The following SGMS1 variants were observed in gnomAD, a reference collection of about 807,000 sequenced individuals.
SGMS1 encodes the protein phosphatidylcholine:ceramide cholinephosphotransferase 1.
A neutral mutation model predicts 46.2 loss-of-function variants in SGMS1; 13 were observed. The observed-to-expected ratio is 0.28, with a 90% CI of 0.18 to 0.45. The LOEUF is 0.45. Ranked by LOEUF, SGMS1 falls within the 20% of genes least tolerant of loss-of-function variation. The pLI is 1.00. For missense variants in SGMS1, 324 were observed against 519.9 expected (o/e 0.62, Z 3.66); for synonymous variants, 203 against 187.8 (o/e 1.08, Z -0.66).
At chr10:50,544,994 A>ACTTT in intron 2 of SGMS1, among the ~76,000 whole-genome samples, 1 of 152,342 alleles carries the variant, frequency 6.6e-6, no homozygotes, top group Non-Finnish European at 1.5e-5. Context: ...AGGGAAGTGA[A>ACTTT]ATGAACACAG....
At chr10:50,562,607 G>T (rs1338744339) in intron 2 of SGMS1, among the ~76,000 whole-genome samples, 2 of 152,112 alleles carry the variant, frequency 1.3e-5, no homozygotes, top group Admixed American at 6.5e-5. Context: ...GCAGTGGCGC[G>T]ATCTCGTCTC....
chr10:50,613,390 A>G (rs926748902), intron 1 of SGMS1, among the ~76,000 whole-genome samples: 3 of 152,054 alleles, frequency 2.0e-5, no homozygotes, highest in Non-Finnish European at 4.4e-5. Context: ...ACCCCATCGC[A>G]CTCATCTCTG....
intron 2 of SGMS1, among the ~76,000 whole-genome samples, chr10:50,533,883 C>T (rs1837976643): frequency 6.6e-6 from 1 of 152,060 alleles, no homozygotes; most frequent in African/African-American, 2.4e-5. Flanking sequence ...TCCTCTGCTC[C>T]GGTTAAAACC....
At chr10:50,455,306 CA>C (rs1463148712) in intron 5 of SGMS1, among the ~76,000 whole-genome samples, 1 of 152,172 alleles carries the variant, frequency 6.6e-6, no homozygotes, top group Non-Finnish European at 1.5e-5. Context: ...GTTATGTTTG[CA>C]AATTGGTCAT....
At chr10:50,582,305 C>T (rs1341199050) in intron 2 of SGMS1, among the ~76,000 whole-genome samples, 1 of 152,162 alleles carries the variant, frequency 6.6e-6, no homozygotes, top group Non-Finnish European at 1.5e-5. Context: ...ACATCTGAGT[C>T]TCGAGAAAAA....
chr10:50,508,008 C>T (rs1338514933), intron 3 of SGMS1, among the ~76,000 whole-genome samples: 1 of 152,142 alleles, frequency 6.6e-6, no homozygotes, highest in African/African-American at 2.4e-5. Flanking sequence ...AGGGACAATT[C>T]ATGGGATCTG....
At chr10:50,419,816 A>T (rs1849231304) in intron 6 of SGMS1, among the ~76,000 whole-genome samples, 1 of 152,190 alleles carries the variant, frequency 6.6e-6, no homozygotes, top group African/African-American at 2.4e-5. Context: ...CTCTTTGGAG[A>T]TCTTTCTCAT....
intron 2 of SGMS1, among the ~76,000 whole-genome samples, chr10:50,563,168 G>C (rs897090587): frequency 1.3e-5 from 2 of 152,156 alleles, no homozygotes; most frequent in Admixed American, 6.5e-5. Flanking sequence ...TAGTGCCTGT[G>C]GCAGTACAAG....
intron 3 of SGMS1, among the ~76,000 whole-genome samples, chr10:50,515,655 C>G (rs1007281415): frequency 1.2e-4 from 18 of 152,182 alleles, no homozygotes; most frequent in African/African-American, 4.1e-4. Flanking sequence ...CCATCCCTGA[C>G]AAGCATCTCC....
chr10:50,530,987 G>A (rs192489852), intron 2 of SGMS1, among the ~76,000 whole-genome samples: 85 of 152,132 alleles, frequency 5.6e-4, no homozygotes, highest in Non-Finnish European at 1.0e-3. Context: ...ATTGAGCAGG[G>A]AGGTTTCACA....
chr10:50,473,773 G>C (rs1837397951), intron 3 of SGMS1, among the ~76,000 whole-genome samples: 1 of 152,194 alleles, frequency 6.6e-6, no homozygotes, highest in Admixed American at 6.5e-5. Flanking sequence ...CTCAGGCCCA[G>C]TTGTCTTTCG....
At chr10:50,520,335 C>T (rs574192346) in intron 2 of SGMS1, among the ~76,000 whole-genome samples, 80 of 152,056 alleles carry the variant, frequency 5.3e-4, no homozygotes, top group Admixed American at 1.8e-3. Context: ...GGCTGCAGTG[C>T]GCCGTGATTG....
intron 6 of SGMS1, among the ~76,000 whole-genome samples, chr10:50,430,156 C>G (rs994700104): frequency 1.3e-5 from 2 of 152,076 alleles, no homozygotes; most frequent in Admixed American, 1.3e-4. Flanking sequence ...CAACTCTGTT[C>G]AAAGGTCTCA....
intron 1 of SGMS1, among the ~76,000 whole-genome samples, chr10:50,603,003 A>C (rs1312662721): frequency 6.6e-6 from 1 of 152,248 alleles, no homozygotes; most frequent in East Asian, 1.9e-4. Context: ...TCAGCAACAC[A>C]ATGAGGTTCT....
At chr10:50,439,894 G>A (rs1458971411) in intron 5 of SGMS1, among the ~76,000 whole-genome samples, 1 of 152,058 alleles carries the variant, frequency 6.6e-6, no homozygotes, top group Non-Finnish European at 1.5e-5. Context: ...TCCTAAATTC[G>A]TCGATTCATT....
At chr10:50,454,288 T>G (rs967863605) in intron 5 of SGMS1, among the ~76,000 whole-genome samples, 17 of 152,156 alleles carry the variant, frequency 1.1e-4, no homozygotes, top group Admixed American at 9.2e-4. Context: ...AAGTAAAGGC[T>G]TTTAAGAAGG....
At chr10:50,542,857 CAA>C (rs752420440) in intron 2 of SGMS1, among the ~76,000 whole-genome samples, 66 of 78,270 alleles carry the variant, frequency 8.4e-4, no homozygotes, top group Non-Finnish European at 1.4e-3. Flanking sequence ...ATGCCAAGTG[CAA>C]AAAAAAAAAA....
intron 6 of SGMS1, among the ~76,000 whole-genome samples, chr10:50,348,100 G>C (rs999621952): frequency 2.0e-5 from 3 of 152,128 alleles, no homozygotes; most frequent in African/African-American, 7.2e-5. Context: ...TTATGAGTGA[G>C]AACATGTGGT....
chr10:50,410,771 G>C (rs531867647), intron 6 of SGMS1, among the ~76,000 whole-genome samples: 8 of 152,290 alleles, frequency 5.3e-5, no homozygotes, highest in African/African-American at 1.9e-4. Flanking sequence ...TGGAGACCTG[G>C]TAATGCCGCC....
Sources: allele counts gnomAD v4.1 joint callset (sites outside exome capture counted in the v4.1 genomes callset), GRCh38; gene constraint gnomAD v4.1.1; transcripts MANE v1.5; gene names NCBI Gene and HGNC (gene_info 2026-07-23, HGNC 2026-07-21).